PDE2A: variants seen among roughly 807,000 people sequenced by gnomAD.
The protein encoded by PDE2A is phosphodiesterase 2A.
PDE2A carries 53 observed loss-of-function variants against 133.6 expected under a neutral mutation model. The observed-to-expected ratio is 0.40, with a 90% confidence interval of 0.32 to 0.50. The LOEUF (loss-of-function observed/expected upper bound fraction) is 0.50. PDE2A is among the 20% of genes least tolerant of loss of function. The pLI, the probability that PDE2A is intolerant of heterozygous loss-of-function variation, is 0.73. For synonymous variants in PDE2A, 491 were observed against 490.2 expected (o/e 1.00, Z -0.02); for missense variants, 796 against 1,232.4 (o/e 0.65, Z 5.30).
intron 6 of PDE2A, among the ~76,000 whole-genome samples, chr11:72,594,244 A>T (rs879452838): frequency 9.2e-5 from 14 of 152,202 alleles, no homozygotes; most frequent in Non-Finnish European, 2.1e-4. Flanking sequence ...AGACTGAGAG[A>T]GGGGAATGGG....
At chr11:72,589,855 C>G in intron 10 of PDE2A, 52 bp downstream of exon 10, 8 of 1,608,484 alleles carry the variant, frequency 5.0e-6, no homozygotes, top group East Asian at 4.5e-5. Context: ...CTCGGAGACC[C>G]GAGTTCCTCG....
At chr11:72,601,489 C>T (rs570079382) in intron 4 of PDE2A, among the ~76,000 whole-genome samples, 5 of 151,880 alleles carry the variant, frequency 3.3e-5, no homozygotes, top group South Asian at 4.2e-4. Flanking sequence ...TGAAAGAAGA[C>T]CTGGTCAGCT....
chr11:72,598,108 T>C (rs976884314), intron 4 of PDE2A, among the ~76,000 whole-genome samples: 2 of 152,212 alleles, frequency 1.3e-5, no homozygotes, highest in African/African-American at 2.4e-5. Flanking sequence ...ATTTCCTATG[T>C]CCCGTGCACA....
chr11:72,663,148 G>A (rs574053563), intron 1 of PDE2A, among the ~76,000 whole-genome samples: 2 of 152,284 alleles, frequency 1.3e-5, no homozygotes, highest in Admixed American at 1.3e-4. Flanking sequence ...GCGTCTGGGT[G>A]TGCCTGTCTC....
intron 1 of PDE2A, among the ~76,000 whole-genome samples, chr11:72,661,514 T>G (rs936735516): frequency 6.6e-6 from 1 of 152,070 alleles, no homozygotes; most frequent in Non-Finnish European, 1.5e-5. Context: ...CAGAAACTCA[T>G]TGGAAAACAG....
chr11:72,616,654 G>A (rs978136369), intron 2 of PDE2A, among the ~76,000 whole-genome samples: 2 of 152,208 alleles, frequency 1.3e-5, no homozygotes, highest in Admixed American at 6.5e-5. Context: ...CTCAGAGAAG[G>A]AGCCTGAGGA....
At chr11:72,669,075 T>C in intron 1 of PDE2A, 1 of 585,908 alleles carries the variant, frequency 1.7e-6, no homozygotes. Flanking sequence ...AGAATCATCC[T>C]GCCAAGAAAG....
In PDE2A at chr11:72,633,446, G is replaced by A. The variant is rs113362740; in HGVS notation, c.144+8808C>T. Among the ~76,000 whole-genome samples the A allele has an allele frequency of 4.9e-3, 741 of 152,316 alleles. 6 individuals are homozygous for A. The highest frequency in any genetic ancestry group is 0.016 in the African/African-American group (662 of 41,572). ...GAGGAACCTAGGCTCACAGAGTTCA[G>A]TTGTCACAAAGGGGCTAGTTGGATG... On this transcript the variant is annotated intron_variant, in intron 2 of 30. Transcript: ENST00000334456.
chr11:72,590,221 A>G lies in PDE2A; in HGVS notation c.727T>C (p.Ser243Pro), dbSNP rs1438299167. Residue 243 changes from serine to proline, a missense_variant, in exon 9 of 31, where the codon TCT (serine) becomes CCT (proline). Physicochemically the swap from Ser to Pro is moderately conservative, Grantham distance 74. Around this residue, in one of 7 missense-constraint regions of PDE2A, gnomAD observed 417 missense variants for 475.3 expected, o/e 0.88. Coordinates refer to ENST00000334456, the MANE Select transcript of PDE2A (RefSeq NM_002599.5). The surrounding 1 kb of genome is among the most constrained non-coding windows in gnomAD (Gnocchi z 4.8). Reference sequence around the variant, plus strand: ...TGGAGCACTTTGAGCTGCAGGGAAGAGGCATCCAGGTCGTAGAGTTCCCCT... The same window carrying G: ...TGGAGCACTTTGAGCTGCAGGGAAGGGGCATCCAGGTCGTAGAGTTCCCCT... ...LCGELYDLDA[S>P]SLQLKVLQYL... is the part of the protein sequence containing the mutation. 6.4e-7 allele frequency: 1 copy of G among 1,551,628 alleles called. No individual in the cohort carries two copies. The highest frequency in any genetic ancestry group is 8.7e-7 in the Non-Finnish European group (1 of 1,146,908).
rs765271541 is a variant in PDE2A at position 72,578,718 on chromosome 11, C to T, written c.2469+179G>A. 8.7e-4 allele frequency among the ~76,000 whole-genome samples: 133 copies of T among 152,208 alleles called. 2 individuals are homozygous for T. Among genetic ancestry groups the T allele is most frequent in the Non-Finnish European group, 2.9e-4 (20 of 68,036 alleles). On this transcript the variant is annotated intron_variant, in intron 28 of 30. Coordinates refer to ENST00000334456, the MANE Select transcript of PDE2A (RefSeq NM_002599.5). The surrounding 1 kb of genome is among the most constrained non-coding windows in gnomAD (Gnocchi z 4.2). The stretch of plus-strand genomic sequence containing the variant: ...GGGCCCACCTTCCACCAGCCACTGA[C>T]TTGCTAGGTCTGTTCCCCTCTCTGA...
Position 72,596,612 on chromosome 11 carries a change from G to A in PDE2A, c.470C>T (p.Ala157Val), listed in dbSNP as rs142944983. ...TCTTACCAAGATGACAGCTGCCACG[G>A]CCCCAGCCTCCTTGTCCGCTAGCGG... is the stretch of plus-strand genomic sequence containing the variant. ...VMPLADKEAG[A>V]VAAVILVHCG... Residue 157 changes from alanine to valine, a missense_variant, in exon 6 of 31, where the codon GCC becomes GTC. Physicochemically the swap from Ala to Val is moderately conservative, Grantham distance 64 (BLOSUM62 0). This residue lies in a region of PDE2A where 417 missense variants were observed against 475.3 expected (regional missense o/e 0.88). Transcript: ENST00000334456. 1.1e-4 allele frequency: 159 copies of A among 1,509,006 alleles called. No individual in the cohort carries two copies. Among genetic ancestry groups the A allele is most frequent in the Non-Finnish European group, 1.3e-4 (144 of 1,120,668 alleles). 93.5% of individuals were successfully genotyped at this position (1,509,006 alleles called of 1,614,324 possible).
chr11:72,644,043 G>T (rs919712669), intron 1 of PDE2A, among the ~76,000 whole-genome samples: 1 of 152,024 alleles, frequency 6.6e-6, no homozygotes, highest in South Asian at 2.1e-4. Flanking sequence ...TCACATCAAT[G>T]ACTGACTGAC....
At chr11:72,625,963 C>T (rs114705959) in intron 2 of PDE2A, among the ~76,000 whole-genome samples, 1 of 152,334 alleles carries the variant, frequency 6.6e-6, no homozygotes, top group African/African-American at 2.4e-5. Context: ...GGGGTGGGGC[C>T]GGCTGGAGCA....
chr11:72,669,518 T>C (rs1028773273), intron 1 of PDE2A, among the ~76,000 whole-genome samples: 8 of 152,086 alleles, frequency 5.3e-5, no homozygotes, highest in Admixed American at 6.5e-5. Flanking sequence ...ACATTTCTGT[T>C]ACTAAATATA....
chr11:72,615,248 C>A (rs996291742), intron 2 of PDE2A: 4 of 298,468 alleles, frequency 1.3e-5, no homozygotes, highest in Non-Finnish European at 8.1e-6. Flanking sequence ...TCGCCCTTCC[C>A]AAGCCAGTCC....
At chr11:72,615,203 C>A (rs1857406034) in intron 2 of PDE2A, 1 of 395,760 alleles carries the variant, frequency 2.5e-6, no homozygotes, top group South Asian at 1.8e-5. Flanking sequence ...TGGCTCCTCC[C>A]TTCCAGCGCC....
chr11:72,579,137 G>C, intron 27 of PDE2A, 128 bp from the exon 28 acceptor site: 1 of 942,952 alleles, frequency 1.1e-6, no homozygotes. Flanking sequence ...CAAGGGGCCA[G>C]TGCTGGGTCT....
intron 4 of PDE2A, among the ~76,000 whole-genome samples, chr11:72,599,830 G>T (rs1444396484): frequency 6.6e-6 from 1 of 152,204 alleles, no homozygotes; most frequent in Non-Finnish European, 1.5e-5. Flanking sequence ...AACACGCAGA[G>T]ATCAACGTAC....
intron 6 of PDE2A, among the ~76,000 whole-genome samples, chr11:72,595,961 C>A (rs1856461081): frequency 6.6e-6 from 1 of 152,132 alleles, no homozygotes; most frequent in Non-Finnish European, 1.5e-5. Context: ...CCACTTCCCA[C>A]TAACACTCCT....
Sources: gnomAD v4.1 joint callset for allele counts (sites outside exome capture counted in the v4.1 genomes callset) on GRCh38, gnomAD v4.1.1 for gene constraint, gnomAD v4.1.1 regional missense constraint, Gnocchi (gnomAD v3.1) non-coding constraint, MANE v1.5 for transcripts, NCBI Gene and HGNC (gene_info 2026-07-23, HGNC 2026-07-21) for gene names.